MIB1: variants seen among roughly 807,000 people sequenced by gnomAD.
MIB1 encodes the protein E3 ubiquitin-protein ligase MIB1.
MIB1 carries 278 observed loss-of-function variants against 124.5 expected under a neutral mutation model. The ratio of observed to expected loss-of-function variants is 2.23; its 90% CI spans 2.02 to 2.47. The LOEUF is 2.47. Ranked by LOEUF, MIB1 falls within the 30% of genes most tolerant of loss-of-function variation. The pLI, the probability that MIB1 is intolerant of heterozygous loss-of-function variation, is 0.00. For synonymous variants in MIB1, 446 were observed against 429.4 expected, an observed-to-expected ratio of 1.04 and a Z score of -0.48; for missense variants, 957 against 1,254.4, an observed-to-expected ratio of 0.76 and a Z score of 3.58.
At chr18:21,802,508 T>C (rs1354591234) in intron 9 of MIB1, among the ~76,000 whole-genome samples, 1 of 152,186 alleles carries the variant, frequency 6.6e-6, no homozygotes, top group Non-Finnish European at 1.5e-5. Flanking sequence ...CTTTTCACAT[T>C]CCTTTTGATA....
Position 21,870,281 on chromosome 18 carries a change from T to C in MIB1, c.*5615T>C, listed in dbSNP as rs2146531810. 1 of 152,486 alleles carries C rather than the reference T, an allele frequency of 6.6e-6. No homozygotes were observed. Among genetic ancestry groups the C allele is most frequent in the African/African-American group, 2.4e-5 (1 of 41,562 alleles). The allele number at this position is 152,486 out of a possible 1,614,324, so 9.4% of individuals were successfully genotyped here. ...TCTCAATACATTAAAAAACCTGTTA[T>C]TGTTAAAAAGGAAATTACCATGCCT... On this transcript the variant is annotated 3_prime_UTR_variant, in exon 21 of 21. Transcript: ENST00000261537.
intron 12 of MIB1, among the ~76,000 whole-genome samples, chr18:21,824,248 C>G (rs1370518225): frequency 6.6e-6 from 1 of 152,084 alleles, no homozygotes; most frequent in Admixed American, 6.5e-5. Context: ...ATTTCACAGG[C>G]GTTTCTTATT....
chr18:21,771,383 A>C (rs1893384), intron 3 of MIB1, among the ~76,000 whole-genome samples: 109,057 of 152,126 alleles, frequency 0.72, 39,562 homozygotes, highest in East Asian at 0.97. Flanking sequence ...ATGCTTTTTT[A>C]CTCATCCTAT....
At chr18:21,777,673 A>G (rs907639193) in intron 4 of MIB1, among the ~76,000 whole-genome samples, 1 of 151,798 alleles carries the variant, frequency 6.6e-6, no homozygotes, top group African/African-American at 2.4e-5. Context: ...TCCTGCCTCC[A>G]CCTCCTGAGC....
intron 1 of MIB1, among the ~76,000 whole-genome samples, chr18:21,718,593 G>A (rs2040700284): frequency 6.6e-6 from 1 of 152,190 alleles, no homozygotes; most frequent in Admixed American, 6.5e-5. Flanking sequence ...GCCCAGTTGA[G>A]CCCAGCCACC....
chr18:21,730,947 CCT>C (rs2040766532), intron 1 of MIB1, among the ~76,000 whole-genome samples: 1 of 152,138 alleles, frequency 6.6e-6, no homozygotes, highest in Admixed American at 6.5e-5. Flanking sequence ...ATGCTTTCCC[CCT>C]CTTTTGCCAA....
intron 10 of MIB1, among the ~76,000 whole-genome samples, chr18:21,804,578 C>T (rs914053819): frequency 1.3e-5 from 2 of 152,168 alleles, no homozygotes; most frequent in East Asian, 3.8e-4. Context: ...CTGGGGATCT[C>T]TCTGTATCTC....
At chr18:21,802,087 TAGA>T (rs1478974267) in intron 9 of MIB1, among the ~76,000 whole-genome samples, 1 of 152,200 alleles carries the variant, frequency 6.6e-6, no homozygotes, top group Non-Finnish European at 1.5e-5. Flanking sequence ...AGTTCTAGGT[TAGA>T]AGTCATTTTC....
At chr18:21,728,267 C>T (rs528100689) in intron 1 of MIB1, among the ~76,000 whole-genome samples, 4 of 152,086 alleles carry the variant, frequency 2.6e-5, no homozygotes, top group African/African-American at 4.8e-5. Flanking sequence ...CCGAGGTGGG[C>T]GGCTTGGCTG....
chr18:21,757,083 A>G (rs1474942621), intron 1 of MIB1, among the ~76,000 whole-genome samples: 3 of 152,068 alleles, frequency 2.0e-5, no homozygotes, highest in Non-Finnish European at 4.4e-5. Flanking sequence ...CATTTTCTTA[A>G]TGCAACTCTT....
chr18:21,823,105 G>A (rs1258290994), intron 12 of MIB1, among the ~76,000 whole-genome samples: 22 of 151,718 alleles, frequency 1.5e-4, no homozygotes, highest in Admixed American at 1.2e-3. Context: ...GTAGTGGTGC[G>A]CACCTGTAGT....
chr18:21,713,053 G>C (rs1472800949), intron 1 of MIB1, among the ~76,000 whole-genome samples: 1 of 151,962 alleles, frequency 6.6e-6, no homozygotes, highest in Non-Finnish European at 1.5e-5. Flanking sequence ...TCAGTCTTGG[G>C]GTCAAGCAAT....
chr18:21,789,293 G>C (rs140934530), intron 6 of MIB1, among the ~76,000 whole-genome samples: 2 of 152,062 alleles, frequency 1.3e-5, no homozygotes, highest in African/African-American at 4.8e-5. Context: ...CTGTGAGTCT[G>C]TGTTTCTTGG....
At chr18:21,825,940 T>A (rs896134824) in intron 12 of MIB1, 2 of 330,156 alleles carry the variant, frequency 6.1e-6, no homozygotes, top group African/African-American at 2.3e-5. Context: ...ACTGTTTTCC[T>A]GCGCTTAATG....
upstream of MIB1, among the ~76,000 whole-genome samples, chr18:21,738,219 A>G (rs1167122295): frequency 6.6e-6 from 1 of 152,222 alleles, no homozygotes; most frequent in Non-Finnish European, 1.5e-5. Context: ...TGGAAATCAT[A>G]ACAAACAGTC....
upstream of MIB1, among the ~76,000 whole-genome samples, chr18:21,737,742 A>T (rs550325436): frequency 6.6e-6 from 1 of 152,356 alleles, no homozygotes; most frequent in South Asian, 2.1e-4. Flanking sequence ...GTCTCTGATG[A>T]AACAGACTTT....
chr18:21,719,455 AT>A (rs920386951), intron 1 of MIB1, among the ~76,000 whole-genome samples: 7 of 151,464 alleles, frequency 4.6e-5, no homozygotes, highest in African/African-American at 9.7e-5. Flanking sequence ...TTTAAAAAAA[AT>A]TTTTTTTTGA....
chr18:21,779,612 TTAAC>T lies in MIB1; in HGVS notation c.838_841del (p.Thr280GlnfsTer15). The T allele has an allele frequency of 1.2e-6, 2 of 1,614,128 alleles. No individual in the cohort carries two copies. Among genetic ancestry groups the T allele is most frequent in the Non-Finnish European group, 1.7e-6 (2 of 1,179,996 alleles). ...ATGGACTGATGGAATGTTTGAGACT[TTAAC>T]TACAACTGGAACTGTTTGTGGCATT... On this transcript the variant is annotated frameshift_variant, in exon 6 of 21. Transcript: ENST00000261537. LOFTEE classifies it high-confidence loss of function.
chr18:21,856,082 T>C (rs2042223523), intron 18 of MIB1, among the ~76,000 whole-genome samples: 1 of 146,336 alleles, frequency 6.8e-6, no homozygotes, highest in South Asian at 2.2e-4. Flanking sequence ...TACAAAAAAT[T>C]AGCCGGGCGC....
Sources: gnomAD v4.1 joint callset for allele counts (sites outside exome capture counted in the v4.1 genomes callset) on GRCh38, gnomAD v4.1.1 for gene constraint, MANE v1.5 for transcripts, NCBI Gene and HGNC (gene_info 2026-07-23, HGNC 2026-07-21) for gene names.